The following CSMD1 variants were observed in gnomAD, a reference collection of about 807,000 sequenced individuals.
The protein encoded by CSMD1 is CUB and Sushi multiple domains 1.
Under a neutral mutation model 417.5 loss-of-function variants are expected in CSMD1, and 213 were observed. The observed-to-expected ratio is 0.51, with a 90% CI of 0.46 to 0.57. The LOEUF (loss-of-function observed/expected upper bound fraction) is 0.57. Ranked by LOEUF, CSMD1 falls within the 20% of genes least tolerant of loss-of-function variation. The pLI, the probability that CSMD1 is intolerant of heterozygous loss-of-function variation, is 0.00. For missense variants in CSMD1, 6,923 were observed against 4,529.7 expected (o/e 1.53, Z -15.17); for synonymous variants, 2,862 against 1,736.8 (o/e 1.65, Z -16.11).
At chr8:3,567,880 T>C (rs767434456) in intron 10 of CSMD1, among the ~76,000 whole-genome samples, 1 of 152,158 alleles carries the variant, frequency 6.6e-6, no homozygotes, top group Non-Finnish European at 1.5e-5. Context: ...CTTATCCTCA[T>C]CACTCTCCTT....
chr8:4,536,025 CATT>C (rs1159587984), intron 2 of CSMD1, among the ~76,000 whole-genome samples: 1 of 152,038 alleles, frequency 6.6e-6, no homozygotes, highest in African/African-American at 2.4e-5. Flanking sequence ...CCATTATTAA[CATT>C]ATTTTTGAAA....
In CSMD1 at chr8:4,994,778, G is replaced by T. The variant is rs917314744; in HGVS notation, c.-362C>A. ...GCAGCCAGGAGAGACCTGGAGAGGAGGCAGCTGGAGAGAGAGCCAGCGAGT... is the reference window on the plus strand; with the variant it reads ...GCAGCCAGGAGAGACCTGGAGAGGATGCAGCTGGAGAGAGAGCCAGCGAGT... On this transcript the variant is annotated 5_prime_UTR_variant, in exon 1 of 70. Coordinates refer to ENST00000635120, the MANE Select transcript of CSMD1 (RefSeq NM_033225.6). 1 of 225,028 alleles carries T rather than the reference G, an allele frequency of 4.4e-6. No homozygotes were observed. Among genetic ancestry groups the T allele is most frequent in the African/African-American group, 2.3e-5 (1 of 43,252 alleles). The allele number at this position is 225,028 out of a possible 1,614,324, so 13.9% of individuals were successfully genotyped here. A position where few individuals can be genotyped will look rare whatever the true frequency, so the allele number is the denominator to read the frequency against.
At chr8:2,945,616 T>G (rs1802172997) in intron 68 of CSMD1, among the ~76,000 whole-genome samples, 1 of 152,156 alleles carries the variant, frequency 6.6e-6, no homozygotes, top group Non-Finnish European at 1.5e-5. Context: ...GCACTGCAAT[T>G]TCATTCAATC....
chr8:4,786,437 T>C (rs78266178), intron 1 of CSMD1, among the ~76,000 whole-genome samples: 1,608 of 152,342 alleles, frequency 0.011, 14 homozygotes, highest in East Asian at 0.057. Context: ...ATCTCCAGCA[T>C]TCATCATGTA....
chr8:4,928,805 C>T (rs192328962), intron 1 of CSMD1, among the ~76,000 whole-genome samples: 2 of 152,078 alleles, frequency 1.3e-5, no homozygotes, highest in African/African-American at 4.8e-5. Flanking sequence ...GGTGCTGGCT[C>T]ACTCCTGTAA....
At chr8:4,994,273 C>A in intron 1 of CSMD1, 59 bp downstream of exon 1, 1 of 1,510,528 alleles carries the variant, frequency 6.6e-7, no homozygotes, top group South Asian at 1.1e-5. Context: ...CACTCGCGTC[C>A]GCACACGGGG....
intron 5 of CSMD1, among the ~76,000 whole-genome samples, chr8:3,808,060 C>T (rs1800848084): frequency 6.6e-6 from 1 of 152,276 alleles, no homozygotes; most frequent in African/African-American, 2.4e-5. Context: ...GAAGTTACAG[C>T]AGTGGCTGAA....
At chr8:3,760,950 A>G (rs1311309491) in intron 5 of CSMD1, among the ~76,000 whole-genome samples, 2 of 148,354 alleles carry the variant, frequency 1.3e-5, no homozygotes, top group African/African-American at 5.0e-5. Context: ...CATATAAAAG[A>G]TGTGCTTTTT....
intron 37 of CSMD1, among the ~76,000 whole-genome samples, chr8:3,174,418 C>A (rs1185790612): frequency 6.6e-6 from 1 of 152,118 alleles, no homozygotes; most frequent in Non-Finnish European, 1.5e-5. Context: ...TTGCTTGAAC[C>A]CAAGAGGTTG....
chr8:4,254,333 A>G (rs1803293189), intron 3 of CSMD1, among the ~76,000 whole-genome samples: 1 of 152,166 alleles, frequency 6.6e-6, no homozygotes, highest in African/African-American at 2.4e-5. Flanking sequence ...CATTCGTTCT[A>G]TGGAGAGTCT....
intron 5 of CSMD1, among the ~76,000 whole-genome samples, chr8:3,784,798 G>A (rs1290841410): frequency 2.0e-5 from 3 of 152,110 alleles, no homozygotes; most frequent in African/African-American, 2.4e-5. Context: ...ACATCATGTT[G>A]CATATCACAA....
At chr8:4,458,837 C>T (rs1262654479) in intron 2 of CSMD1, among the ~76,000 whole-genome samples, 3 of 152,158 alleles carry the variant, frequency 2.0e-5, no homozygotes, top group Non-Finnish European at 4.4e-5. Context: ...GACCCACTTT[C>T]AGAACTGAGG....
intron 3 of CSMD1, among the ~76,000 whole-genome samples, chr8:4,047,327 A>G (rs1430185978): frequency 2.6e-5 from 4 of 152,176 alleles, no homozygotes; most frequent in Non-Finnish European, 5.9e-5. Context: ...TGAAAACAAA[A>G]TGATCTTCTA....
intron 3 of CSMD1, among the ~76,000 whole-genome samples, chr8:4,303,057 G>T (rs1161246847): frequency 6.6e-6 from 1 of 152,092 alleles, no homozygotes; most frequent in African/African-American, 2.4e-5. Flanking sequence ...ATACAAGGAA[G>T]TAGGTATAAA....
chr8:4,112,872 C>G (rs1237115517), intron 3 of CSMD1, among the ~76,000 whole-genome samples: 1 of 152,158 alleles, frequency 6.6e-6, no homozygotes, highest in Non-Finnish European at 1.5e-5. Flanking sequence ...AAATTGAAGG[C>G]TTGTACCAAC....
At chr8:2,945,673 G>A (rs961383531) in intron 68 of CSMD1, among the ~76,000 whole-genome samples, 4 of 152,036 alleles carry the variant, frequency 2.6e-5, no homozygotes, top group East Asian at 3.9e-4. Context: ...AGCTCTGTGC[G>A]ATCCCTCTGC....
chr8:3,572,818 G>A (rs545909592), intron 10 of CSMD1, among the ~76,000 whole-genome samples: 17 of 152,040 alleles, frequency 1.1e-4, no homozygotes, highest in African/African-American at 4.1e-4. Context: ...ACCTAATATA[G>A]CCCCCAAACA....
chr8:4,166,243 A>G (rs746351929), intron 3 of CSMD1, among the ~76,000 whole-genome samples: 3 of 152,224 alleles, frequency 2.0e-5, no homozygotes, highest in Admixed American at 2.0e-4. Flanking sequence ...CCAGATTATC[A>G]TATCAATATG....
intron 5 of CSMD1, among the ~76,000 whole-genome samples, chr8:3,819,109 G>A (rs918827742): frequency 6.6e-6 from 1 of 152,208 alleles, no homozygotes. Context: ...AAGTGTAGGA[G>A]GAGATGGGGG....
Sources: allele counts gnomAD v4.1 joint callset (sites outside exome capture counted in the v4.1 genomes callset), GRCh38; gene constraint gnomAD v4.1.1; transcripts MANE v1.5; gene names NCBI Gene and HGNC (gene_info 2026-07-23, HGNC 2026-07-21).